The following VDAC1 variants were observed in gnomAD, a reference collection of about 807,000 sequenced individuals.
VDAC1 encodes non-selective voltage-gated ion channel VDAC1.
VDAC1 carries 10 observed loss-of-function variants against 34.7 expected under a neutral mutation model. The ratio of observed to expected loss-of-function variants is 0.29; its 90% CI spans 0.18 to 0.49. VDAC1 has a LOEUF of 0.49. Among genes scored for constraint, VDAC1 ranks in the 20% least tolerant of loss-of-function variants. The pLI, the probability that VDAC1 is intolerant of heterozygous loss-of-function variation, is 0.99. For synonymous variants in VDAC1, 130 were observed against 136.0 expected, an observed-to-expected ratio of 0.96 and a Z score of 0.30; for missense variants, 230 against 347.9, an observed-to-expected ratio of 0.66 and a Z score of 2.69.
chr5:133,996,180 G>T (rs1390514441), intron 1 of VDAC1, among the ~76,000 whole-genome samples: 1 of 152,188 alleles, frequency 6.6e-6, no homozygotes, highest in Non-Finnish European at 1.5e-5. Context: ...GCAGAGCCTG[G>T]GGGCTTTGTT....
chr5:134,096,025 C>T, the VDAC1 span, among the ~76,000 whole-genome samples: 1 of 152,244 alleles, frequency 6.6e-6, no homozygotes, highest in Admixed American at 6.5e-5. Context: ...AATCTGAGAA[C>T]CAAGCTCCCT....
chr5:133,983,479 T>G (rs954411749), intron 5 of VDAC1, among the ~76,000 whole-genome samples: 1 of 152,126 alleles, frequency 6.6e-6, no homozygotes, highest in Non-Finnish European at 1.5e-5. Context: ...CTATCAAAGC[T>G]GTGTGATAGG....
At chr5:134,039,533 G>A in the VDAC1 span, among the ~76,000 whole-genome samples, 1 of 151,970 alleles carries the variant, frequency 6.6e-6, no homozygotes, top group Non-Finnish European at 1.5e-5. Context: ...GTTTCACCGT[G>A]TTAGCCAGGA....
At chr5:134,035,137 G>C in the VDAC1 span, among the ~76,000 whole-genome samples, 1 of 152,254 alleles carries the variant, frequency 6.6e-6, no homozygotes, top group Middle Eastern at 3.4e-3. Flanking sequence ...GAAATGGCTG[G>C]TCGCTGGGCT....
chr5:134,051,933 G>T, the VDAC1 span, among the ~76,000 whole-genome samples: 1 of 151,702 alleles, frequency 6.6e-6, no homozygotes, highest in Non-Finnish European at 1.5e-5. Context: ...CCTGAGCTCA[G>T]GTGATCCGCC....
the VDAC1 span, among the ~76,000 whole-genome samples, chr5:134,044,133 A>G: frequency 1.6e-4 from 24 of 152,184 alleles, no homozygotes; most frequent in African/African-American, 5.8e-4. Flanking sequence ...CCCTTCACCA[A>G]TGGAATGTTG....
chr5:134,009,247 CTTTTT>C (rs869155174), upstream of VDAC1, among the ~76,000 whole-genome samples: 15 of 87,064 alleles, frequency 1.7e-4, no homozygotes, highest in African/African-American at 6.5e-4. Flanking sequence ...TTTATCAATT[CTTTTT>C]TTTTTTTTTT....
the VDAC1 span, among the ~76,000 whole-genome samples, chr5:134,109,770 CAAAAAAAAAAA>C: frequency 1.1e-3 from 158 of 140,016 alleles, no homozygotes; most frequent in Non-Finnish European, 1.1e-3. Flanking sequence ...GGCTCCATCT[CAAAAAAAAAAA>C]AAAAAAAAAA....
At chr5:134,108,758 T>C in the VDAC1 span, among the ~76,000 whole-genome samples, 1 of 152,058 alleles carries the variant, frequency 6.6e-6, no homozygotes. Context: ...AAAGGTGCCA[T>C]TCTAGGCAAG....
intron 1 of VDAC1, among the ~76,000 whole-genome samples, chr5:134,002,402 C>T (rs138080683): frequency 1.1e-3 from 172 of 152,332 alleles, no homozygotes; most frequent in African/African-American, 4.0e-3. Context: ...ACAACCCCAG[C>T]ACAAGCTGTC....
chr5:134,004,808 C>T (rs1487335364), intron 1 of VDAC1, 87 bp downstream of exon 1: 1 of 150,252 alleles, frequency 6.7e-6, no homozygotes, highest in Non-Finnish European at 1.5e-5. Flanking sequence ...GCGCGCCCGG[C>T]CCGGCGCGCT....
chr5:134,004,169 G>T (rs1753667828), intron 1 of VDAC1, among the ~76,000 whole-genome samples: 2 of 152,126 alleles, frequency 1.3e-5, no homozygotes, highest in African/African-American at 4.8e-5. Flanking sequence ...TCGGGGCCAC[G>T]GTCGTCACGT....
At chr5:134,002,588 C>T (rs886232466) in intron 1 of VDAC1, among the ~76,000 whole-genome samples, 4 of 152,232 alleles carry the variant, frequency 2.6e-5, no homozygotes, top group African/African-American at 9.7e-5. Context: ...AGAGACTATA[C>T]ATACTGTTAC....
the VDAC1 span, among the ~76,000 whole-genome samples, chr5:134,051,885 A>G: frequency 6.6e-6 from 1 of 151,832 alleles, no homozygotes; most frequent in Non-Finnish European, 1.5e-5. Context: ...CTTTGTAGAG[A>G]CGGGGTTTCA....
At chr5:134,038,992 A>G in the VDAC1 span, among the ~76,000 whole-genome samples, 1 of 152,118 alleles carries the variant, frequency 6.6e-6, no homozygotes, top group African/African-American at 2.4e-5. Flanking sequence ...AGTAATAGAC[A>G]CTTTATTTGC....
the VDAC1 span, among the ~76,000 whole-genome samples, chr5:134,078,155 G>A: frequency 2.0e-5 from 3 of 152,310 alleles, no homozygotes; most frequent in South Asian, 6.2e-4. Flanking sequence ...GACTGAGCAG[G>A]GCTGGGCTGG....
the VDAC1 span, among the ~76,000 whole-genome samples, chr5:134,085,225 C>T: frequency 7.2e-5 from 11 of 152,138 alleles, no homozygotes; most frequent in Non-Finnish European, 1.5e-4. Flanking sequence ...CCCACCACCA[C>T]GCCCGGCTAG....
chr5:134,050,972 T>C, the VDAC1 span, among the ~76,000 whole-genome samples: 3 of 152,292 alleles, frequency 2.0e-5, no homozygotes, highest in East Asian at 5.8e-4. Context: ...ATGTGTGAAC[T>C]CCTGGCTGAG....
At chr5:134,081,039 CTTTT>C in the VDAC1 span, among the ~76,000 whole-genome samples, 4 of 140,818 alleles carry the variant, frequency 2.8e-5, no homozygotes, top group African/African-American at 7.8e-5. Context: ...CTATGCCTAA[CTTTT>C]TTTTTTTTTT....
Sources: allele counts gnomAD v4.1 joint callset (sites outside exome capture counted in the v4.1 genomes callset), GRCh38; gene constraint gnomAD v4.1.1; transcripts MANE v1.5; gene names NCBI Gene and HGNC (gene_info 2026-07-23, HGNC 2026-07-21).